The following LRP4 variants were observed in gnomAD, a reference collection of about 807,000 sequenced individuals.
LRP4 encodes LDL receptor related protein 4, also known as low-density lipoprotein receptor-related protein 4.
In LRP4, 95 loss-of-function variants were observed where a neutral mutation model predicts 220.3. The observed-to-expected ratio is 0.43, with a 90% CI of 0.37 to 0.51. The LOEUF is 0.51. LRP4 is among the 20% of genes least tolerant of loss of function. The pLI, the probability that LRP4 is intolerant of heterozygous loss-of-function variation, is 0.00. For missense variants in LRP4, 1,925 were observed against 2,567.0 expected (o/e 0.75, Z 5.40); for synonymous variants, 903 against 954.6 (o/e 0.95, Z 1.00).
intron 1 of LRP4, among the ~76,000 whole-genome samples, chr11:46,903,301 G>A (rs957809580): frequency 6.6e-5 from 10 of 152,104 alleles, no homozygotes; most frequent in Admixed American, 1.3e-4. Context: ...CAAGACCATC[G>A]TGGGCAACAT....
At position 46,890,361 on chromosome 11, in the gene LRP4, G is replaced by A. The variant is rs771793515; in HGVS notation, c.1831C>T (p.Arg611Cys). The change falls in exon 14 of 38, where the codon CGT (arginine) becomes TGT (cysteine). Residue 611 changes from arginine to cysteine, a missense_variant. Physicochemically the swap from Arg to Cys is radical, Grantham distance 180 (BLOSUM62 -3). Around this residue, in one of 3 missense-constraint regions of LRP4, gnomAD observed 269 missense variants for 436.7 expected, o/e 0.62. Transcript: ENST00000378623. This position sits in a 1 kb window ranked among gnomAD's most constrained non-coding sequence, Gnocchi z 5.3. ...TGCTTAGCATCCACCCAGTACATAC[G>A]GCGCCCGGCATAGTCGATGGTGAGG... is the stretch of plus-strand genomic sequence containing the variant. Reference protein sequence around the residue: ...NGLTIDYAGRRMYWVDAKHHV... With the variant: ...NGLTIDYAGRCMYWVDAKHHV... 16 of 1,614,042 alleles carry A rather than the reference G, an allele frequency of 9.9e-6. No individual in the cohort carries two copies. The East Asian group carries it at 2.0e-4, about 20-fold the overall frequency.
Position 46,876,653 on chromosome 11 carries a change from AG to A in LRP4, c.3365-17del, listed in dbSNP as rs1249169852. The A allele has an allele frequency of 6.2e-7, 1 of 1,614,184 alleles. No homozygotes were observed. Among genetic ancestry groups the A allele is most frequent in the East Asian group, 2.2e-5 (1 of 44,886 alleles). ...GTCTGTAGCCCTGTGGGAAGTCAAA[AG>A]AGCACACTGGCTCCTATTTTAAAAC... On this transcript the variant is annotated splice_polypyrimidine_tract_variant and intron_variant, in intron 24 of 37. Transcript: ENST00000378623.
intron 7 of LRP4, among the ~76,000 whole-genome samples, chr11:46,897,788 C>T (rs1480531352): frequency 9.2e-5 from 14 of 152,240 alleles, no homozygotes; most frequent in African/African-American, 3.1e-4. Context: ...TACACAGACA[C>T]GGCAACCATC....
intron 1 of LRP4, among the ~76,000 whole-genome samples, chr11:46,906,689 G>A (rs572510584): frequency 6.6e-6 from 1 of 152,162 alleles, no homozygotes; most frequent in Non-Finnish European, 1.5e-5. Context: ...CAAATGAAAA[G>A]TCATACTGGT....
chr11:46,911,250 A>G (rs937699016), intron 1 of LRP4, among the ~76,000 whole-genome samples: 5 of 152,176 alleles, frequency 3.3e-5, no homozygotes, highest in African/African-American at 1.2e-4. Flanking sequence ...CTAGTAATGT[A>G]GCCAATGCCA....
intron 20 of LRP4, among the ~76,000 whole-genome samples, chr11:46,880,807 G>A (rs1941137465): frequency 6.6e-6 from 1 of 151,760 alleles, no homozygotes; most frequent in Non-Finnish European, 1.5e-5. Flanking sequence ...CGGGCATGGT[G>A]GCTCGTGCCT....
At position 46,906,564 on chromosome 11, in the gene LRP4, G is replaced by T. The variant is rs532305611; in HGVS notation, c.53-3635C>A. 1.2e-4 allele frequency among the ~76,000 whole-genome samples: 18 copies of T among 152,272 alleles called. No homozygotes were observed. The East Asian group carries it at 2.3e-3, about 20-fold the overall frequency. On this transcript the variant is annotated intron_variant, in intron 1 of 37. Transcript: ENST00000378623. ...TCAATAATGGAGGCTGGGGTGTGCA[G>T]ATGCAGGGCTGTGCAGATGCAGGGC...
chr11:46,886,807 A>G (rs1941303368), intron 16 of LRP4, among the ~76,000 whole-genome samples: 1 of 152,046 alleles, frequency 6.6e-6, no homozygotes, highest in Admixed American at 6.6e-5. Context: ...CTCTCTTCTT[A>G]CTTTTCTCCA....
In LRP4 at chr11:46,877,243, A is replaced by C; in HGVS notation, c.3233T>G (p.Ile1078Ser). 1.2e-6 allele frequency: 2 copies of C among 1,614,018 alleles called. No homozygotes were observed. The highest frequency in any genetic ancestry group is 1.7e-6 in the Non-Finnish European group (2 of 1,179,908). ...AATGGCAATGGTGTTCTTCATGGTA[A>C]TGTTGATTGGTACCACCACATCAGC... ...YFADVVVPIN[I>S]TMKNTIAIGV... Residue 1078 changes from isoleucine (I) to serine (S), a missense_variant, in exon 23 of 38, where the codon ATT becomes AGT. Transcript: ENST00000378623.
chr11:46,867,147 A>T (rs1260125478), intron 34 of LRP4, among the ~76,000 whole-genome samples: 1 of 152,168 alleles, frequency 6.6e-6, no homozygotes, highest in East Asian at 1.9e-4. Context: ...TAATTTAATG[A>T]AATAAGATAC....
At chr11:46,885,132 T>C (rs1941256901) in intron 18 of LRP4, among the ~76,000 whole-genome samples, 1 of 152,004 alleles carries the variant, frequency 6.6e-6, no homozygotes, top group South Asian at 2.1e-4. Context: ...ACTACAGGTA[T>C]GTGCCATTAC....
intron 22 of LRP4, among the ~76,000 whole-genome samples, chr11:46,877,695 C>G (rs1941054050): frequency 6.6e-6 from 1 of 152,034 alleles, no homozygotes; most frequent in South Asian, 2.1e-4. Context: ...TCTGAAACTC[C>G]TGGGCTCAAG....
chr11:46,916,029 G>A (rs1941941377), intron 1 of LRP4, among the ~76,000 whole-genome samples: 1 of 152,144 alleles, frequency 6.6e-6, no homozygotes, highest in Admixed American at 6.5e-5. Flanking sequence ...GACCTCCAAG[G>A]ATGGCTCAGT....
chr11:46,890,518 G>C lies in LRP4; in HGVS notation c.1698-24C>G. 6.4e-7 allele frequency: 1 copy of C among 1,554,000 alleles called. No homozygotes were observed. The highest frequency in any genetic ancestry group is 8.9e-7 in the Non-Finnish European group (1 of 1,127,214). On this transcript the variant is annotated intron_variant, in intron 13 of 37. Transcript: ENST00000378623. The surrounding 1 kb of genome is among the most constrained non-coding windows in gnomAD (Gnocchi z 5.3). ...TACTAGGAAGAGAAAAGTAAATTGG[G>C]AAGTGGGCAGCAGAAAACAGGTAGG...
chr11:46,876,811 G>C lies in LRP4; in HGVS notation c.3297C>G (p.Asp1099Glu), dbSNP rs1251157853. The C allele has an allele frequency of 6.2e-7, 1 of 1,613,878 alleles. No individual in the cohort carries two copies. Among genetic ancestry groups the C allele is most frequent in the Non-Finnish European group, 8.5e-7 (1 of 1,179,994 alleles). The change falls in exon 24 of 38, where the codon GAC becomes GAG. Residue 1099 changes from aspartate (D) to glutamate (E), a missense_variant. Coordinates refer to ENST00000378623, the MANE Select transcript of LRP4 (RefSeq NM_002334.4). ...DPQEGKVYWS[D>E]STLHRISRAN... ...CACGACTGATCCTGTGCAGTGTGCT[G>C]TCAGACCAGTACACCTTTCCTGGAG...
At chr11:46,866,007 T>A (rs543481706) in intron 34 of LRP4, among the ~76,000 whole-genome samples, 36 of 152,304 alleles carry the variant, frequency 2.4e-4, no homozygotes, top group African/African-American at 8.7e-4. Context: ...CTTGTAACTT[T>A]AGGGACATTG....
At chr11:46,879,866 A>G (rs1941110297) in intron 20 of LRP4, among the ~76,000 whole-genome samples, 1 of 152,242 alleles carries the variant, frequency 6.6e-6, no homozygotes, top group Non-Finnish European at 1.5e-5. Context: ...CCACTTTGGG[A>G]GGTCCAGGTG....
chr11:46,887,600 AGGT>A (rs1468271081), intron 16 of LRP4, among the ~76,000 whole-genome samples: 3 of 152,120 alleles, frequency 2.0e-5, no homozygotes, highest in African/African-American at 7.2e-5. Flanking sequence ...TGGGAGGCTG[AGGT>A]GGATAGATCA....
At chr11:46,868,369 C>T (rs1940758951) in intron 33 of LRP4, among the ~76,000 whole-genome samples, 1 of 152,184 alleles carries the variant, frequency 6.6e-6, no homozygotes, top group Non-Finnish European at 1.5e-5. Context: ...ACAGCAGGGA[C>T]CTGGGAATCA....
Sources: allele counts gnomAD v4.1 joint callset (sites outside exome capture counted in the v4.1 genomes callset), GRCh38; gene constraint gnomAD v4.1.1; regional missense constraint gnomAD v4.1.1; non-coding constraint Gnocchi (gnomAD v3.1); transcripts MANE v1.5; gene names NCBI Gene and HGNC (gene_info 2026-07-23, HGNC 2026-07-21).